Variants in EIF2B3 observed in about 807,000 individuals in gnomAD.
EIF2B3 encodes eukaryotic translation initiation factor 2B subunit gamma, also known as translation initiation factor eIF2B subunit gamma.
EIF2B3 carries 20 observed loss-of-function variants against 54.1 expected under a neutral mutation model. The observed-to-expected ratio is 0.37, with a 90% confidence interval of 0.26 to 0.54. The LOEUF (loss-of-function observed/expected upper bound fraction) is 0.54, where lower values mean the gene tolerates loss of function less well. EIF2B3 is among the 20% of genes least tolerant of loss of function. EIF2B3 has a pLI of 0.86. For synonymous variants in EIF2B3, 153 were observed against 188.1 expected, an observed-to-expected ratio of 0.81 and a Z score of 1.52; for missense variants, 448 against 547.8, an observed-to-expected ratio of 0.82 and a Z score of 1.82.
intron 5 of EIF2B3, among the ~76,000 whole-genome samples, chr1:44,924,683 G>A (rs1643818739): frequency 6.6e-6 from 1 of 152,138 alleles, no homozygotes; most frequent in Non-Finnish European, 1.5e-5. Flanking sequence ...ACCATGCCTG[G>A]CCAATCCTCT....
At chr1:44,957,298 G>T (rs549912367) in intron 3 of EIF2B3, among the ~76,000 whole-genome samples, 3 of 151,030 alleles carry the variant, frequency 2.0e-5, no homozygotes, top group Admixed American at 6.6e-5. Flanking sequence ...AAAGTCAAAA[G>T]ACATCAAACT....
Position 44,881,512 on chromosome 1 carries a change from C to T in EIF2B3, c.784+100G>A. On this transcript the variant is annotated intron_variant, in intron 7 of 11. Coordinates refer to ENST00000360403, the MANE Select transcript of EIF2B3 (RefSeq NM_020365.5). This position sits in a 1 kb window ranked among gnomAD's most constrained non-coding sequence, Gnocchi z 4.0. ...CTCGTAGGCTAGAAATAGTCTGCTG[C>T]CTTGAGTCAGGCATCTTGGGCTGGG... 2 of 1,497,004 alleles carry T rather than the reference C, an allele frequency of 1.3e-6. No individual in the cohort carries two copies. 92.7% of individuals were successfully genotyped at this position (1,497,004 alleles called of 1,614,324 possible).
At chr1:44,938,142 A>C (rs1380056223) in intron 4 of EIF2B3, among the ~76,000 whole-genome samples, 1 of 152,110 alleles carries the variant, frequency 6.6e-6, no homozygotes, top group African/African-American at 2.4e-5. Context: ...AATATCTGGG[A>C]AACAGTGGAC....
At chr1:44,931,049 A>C (rs1029937320) in intron 4 of EIF2B3, among the ~76,000 whole-genome samples, 1 of 152,182 alleles carries the variant, frequency 6.6e-6, no homozygotes, top group Non-Finnish European at 1.5e-5. Flanking sequence ...TGGCCTAGTG[A>C]CTTGCTTCTA....
intron 9 of EIF2B3, 125 bp from the exon 10 acceptor site, chr1:44,874,951 G>T: frequency 8.1e-7 from 1 of 1,231,626 alleles, no homozygotes; most frequent in Non-Finnish European, 1.2e-6. Context: ...GAGGGACCAT[G>T]ATCAGTATTT....
intron 3 of EIF2B3, among the ~76,000 whole-genome samples, chr1:44,948,670 G>GTACACCACCTGGCTTTGA (rs1644129532): frequency 6.6e-6 from 1 of 151,904 alleles, no homozygotes; most frequent in South Asian, 2.1e-4. Flanking sequence ...ATTTTCCTCT[G>GTACACCACCTGGCTTTGA]GTACTTAATT....
intron 8 of EIF2B3, among the ~76,000 whole-genome samples, chr1:44,877,216 A>AAAC (rs1655220854): frequency 2.0e-5 from 3 of 149,526 alleles, no homozygotes; most frequent in African/African-American, 2.5e-5. Context: ...AAAAAAAAAA[A>AAAC]AAAAAACACC....
At chr1:44,902,201 C>T (rs1186658554) in intron 5 of EIF2B3, among the ~76,000 whole-genome samples, 1 of 152,188 alleles carries the variant, frequency 6.6e-6, no homozygotes, top group Admixed American at 6.5e-5. Context: ...TCTTGACTAC[C>T]ATAGCTTTAT....
intron 3 of EIF2B3, among the ~76,000 whole-genome samples, chr1:44,973,879 G>A (rs1487816203): frequency 6.6e-6 from 1 of 152,058 alleles, no homozygotes; most frequent in Non-Finnish European, 1.5e-5. Context: ...TAGAGATGGA[G>A]GGTGGTAATG....
intron 3 of EIF2B3, among the ~76,000 whole-genome samples, chr1:44,957,965 A>G (rs1373869180): frequency 6.6e-6 from 1 of 152,200 alleles, no homozygotes; most frequent in Non-Finnish European, 1.5e-5. Context: ...CAGTAATCCC[A>G]CTTGTAAGAA....
In EIF2B3 at chr1:44,850,943, C is replaced by G. The variant is rs762655253; in HGVS notation, c.*8G>C. 5.6e-6 allele frequency: 9 copies of G among 1,614,006 alleles called. No individual in the cohort carries two copies. The highest frequency in any genetic ancestry group is 7.6e-6 in the Non-Finnish European group (9 of 1,179,998). ...GGCCAAAAGGAAGGAGTCTGACTTG[C>G]TCAGAACTCAGATCTCCATGAGCTG... On this transcript the variant is annotated 3_prime_UTR_variant, in exon 12 of 12. Coordinates refer to ENST00000360403, the MANE Select transcript of EIF2B3 (RefSeq NM_020365.5).
chr1:44,933,133 C>T (rs1467668355), intron 4 of EIF2B3, among the ~76,000 whole-genome samples: 1 of 151,640 alleles, frequency 6.6e-6, no homozygotes, highest in Non-Finnish European at 1.5e-5. Flanking sequence ...ACAATTGGAG[C>T]TTGGGTTGAA....
chr1:44,949,237 T>C (rs1438676425), intron 3 of EIF2B3, among the ~76,000 whole-genome samples: 2 of 152,312 alleles, frequency 1.3e-5, no homozygotes, highest in South Asian at 2.1e-4. Context: ...TACTCTATTA[T>C]ATATTTATCC....
At chr1:44,921,693 A>G (rs908544838) in intron 5 of EIF2B3, among the ~76,000 whole-genome samples, 22 of 152,218 alleles carry the variant, frequency 1.4e-4, no homozygotes, top group African/African-American at 5.1e-4. Flanking sequence ...AAATGAGTTC[A>G]CTGAAGGTGT....
chr1:44,866,260 T>C (rs1242882435), intron 10 of EIF2B3, among the ~76,000 whole-genome samples: 1 of 151,960 alleles, frequency 6.6e-6, no homozygotes, highest in Non-Finnish European at 1.5e-5. Context: ...TAGCTGGGCA[T>C]GGTAGCACGT....
intron 6 of EIF2B3, among the ~76,000 whole-genome samples, chr1:44,885,361 T>G (rs1315149048): frequency 6.6e-6 from 1 of 152,188 alleles, no homozygotes; most frequent in Non-Finnish European, 1.5e-5. Context: ...TAAAATAAGA[T>G]GCAATTTCTC....
In EIF2B3 at chr1:44,874,808, T is replaced by C. The variant is rs1393610574; in HGVS notation, c.1072A>G (p.Ile358Val). 1 of 1,614,162 alleles carries C rather than the reference T, an allele frequency of 6.2e-7. No individual in the cohort carries two copies. Among genetic ancestry groups the C allele is most frequent in the Non-Finnish European group, 8.5e-7 (1 of 1,180,032 alleles). ...SKHLVGVDSLIGPETQIGEKS... is the reference protein window; with the variant it reads ...SKHLVGVDSLVGPETQIGEKS... ...TCTCCAATCTGTGTCTCTGGCCCAA[T>C]GAGGCTGTCAACTCCAACCTGTAAA... The change falls in exon 10 of 12, where the codon ATT becomes GTT. Residue 358 changes from isoleucine (I) to valine (V), a missense_variant. Transcript: ENST00000360403.
chr1:44,887,330 G>A (rs768074436), intron 6 of EIF2B3, among the ~76,000 whole-genome samples: 11 of 152,124 alleles, frequency 7.2e-5, no homozygotes, highest in Non-Finnish European at 1.2e-4. Context: ...GGATGTTTGT[G>A]TTCTACCCCT....
chr1:44,891,813 A>G (rs767975), intron 6 of EIF2B3, among the ~76,000 whole-genome samples: 22,708 of 152,186 alleles, frequency 0.15, 1,812 homozygotes, highest in Middle Eastern at 0.23. Flanking sequence ...GTGAGGAGGT[A>G]TCATGTCTGA....
Sources: gnomAD v4.1 joint callset for allele counts (sites outside exome capture counted in the v4.1 genomes callset) on GRCh38, gnomAD v4.1.1 for gene constraint, Gnocchi (gnomAD v3.1) non-coding constraint, MANE v1.5 for transcripts, NCBI Gene and HGNC (gene_info 2026-07-23, HGNC 2026-07-21) for gene names.